CALD1: variants seen among roughly 807,000 people sequenced by gnomAD.
CALD1 encodes caldesmon.
A neutral mutation model predicts 99.9 loss-of-function variants in CALD1; 33 were observed. That is an observed-to-expected ratio of 0.33 (90% CI 0.25 to 0.44). The LOEUF (loss-of-function observed/expected upper bound fraction) is 0.44. CALD1 is among the 20% of genes least tolerant of loss of function. CALD1 has a pLI of 1.00. For missense variants in CALD1, 861 were observed against 962.1 expected (o/e 0.89, Z 1.39); for synonymous variants, 310 against 325.0 (o/e 0.95, Z 0.50).
At chr7:134,792,518 C>A (rs933253862) in intron 1 of CALD1, among the ~76,000 whole-genome samples, 1 of 152,128 alleles carries the variant, frequency 6.6e-6, no homozygotes, top group Non-Finnish European at 1.5e-5. Flanking sequence ...TCTCGAACTC[C>A]TGCTGTCAGG....
At chr7:134,825,854 A>G (rs902844289) in intron 1 of CALD1, among the ~76,000 whole-genome samples, 3 of 152,078 alleles carry the variant, frequency 2.0e-5, no homozygotes, top group African/African-American at 4.8e-5. Context: ...GACTGACCAG[A>G]GGAGCCCTGG....
At chr7:134,810,978 A>G (rs1019110157) in intron 1 of CALD1, among the ~76,000 whole-genome samples, 3 of 152,204 alleles carry the variant, frequency 2.0e-5, no homozygotes, top group African/African-American at 4.8e-5. Flanking sequence ...AAATTAATCC[A>G]TAATTCAAGG....
chr7:134,894,151 G>C (rs1372089695), intron 3 of CALD1, among the ~76,000 whole-genome samples: 1 of 152,116 alleles, frequency 6.6e-6, no homozygotes, highest in Non-Finnish European at 1.5e-5. Context: ...ACAAAATATG[G>C]GGGAGGCTTG....
chr7:134,917,351 A>G (rs1054795848), intron 3 of CALD1, among the ~76,000 whole-genome samples: 14 of 152,166 alleles, frequency 9.2e-5, no homozygotes, highest in African/African-American at 3.1e-4. Flanking sequence ...ATTTAAAAAA[A>G]ATTTTTATTT....
At chr7:134,827,972 C>T (rs1413540214) in intron 1 of CALD1, among the ~76,000 whole-genome samples, 1 of 152,158 alleles carries the variant, frequency 6.6e-6, no homozygotes, top group African/African-American at 2.4e-5. Context: ...TGTGACTGGG[C>T]AAAGGGGGCA....
chr7:134,808,650 T>G (rs1273367462), intron 1 of CALD1, among the ~76,000 whole-genome samples: 1 of 152,230 alleles, frequency 6.6e-6, no homozygotes, highest in Non-Finnish European at 1.5e-5. Flanking sequence ...GAATAAGTCT[T>G]TCTATCCAAT....
At chr7:134,912,980 C>T (rs112857501) in intron 3 of CALD1, among the ~76,000 whole-genome samples, 2,202 of 151,988 alleles carry the variant, frequency 0.014, 45 homozygotes, top group African/African-American at 0.051. Flanking sequence ...AAAAATTAAG[C>T]GGGGCTGAGC....
At chr7:134,936,097 T>C (rs1392795566) in intron 6 of CALD1, among the ~76,000 whole-genome samples, 1 of 152,218 alleles carries the variant, frequency 6.6e-6, no homozygotes, top group Non-Finnish European at 1.5e-5. Context: ...TTATCCTGTT[T>C]TCTATTCTTC....
At chr7:134,891,138 C>A (rs1802141624) in intron 3 of CALD1, among the ~76,000 whole-genome samples, 2 of 152,290 alleles carry the variant, frequency 1.3e-5, no homozygotes, top group South Asian at 4.1e-4. Flanking sequence ...CCATGATCAA[C>A]TATTTTCCAA....
chr7:134,766,254 C>CGA (rs999931936), intron 1 of CALD1, among the ~76,000 whole-genome samples: 150 of 147,632 alleles, frequency 1.0e-3, no homozygotes, highest in African/African-American at 3.6e-3. Context: ...TGGGTTCAAC[C>CGA]GATTCTCCTG....
chr7:134,745,814 A>G (rs1015061327), intron 1 of CALD1, among the ~76,000 whole-genome samples: 4 of 152,222 alleles, frequency 2.6e-5, no homozygotes, highest in African/African-American at 9.6e-5. Context: ...ATTGTTCTTT[A>G]TAATACAAGG....
intron 1 of CALD1, among the ~76,000 whole-genome samples, chr7:134,781,756 T>C (rs1462498346): frequency 6.6e-6 from 1 of 152,230 alleles, no homozygotes; most frequent in Non-Finnish European, 1.5e-5. Flanking sequence ...TCGAAGCAAA[T>C]AGAAGGTGTA....
At position 134,909,845 on chromosome 7, in the gene CALD1, C is replaced by A. The variant is rs574108029; in HGVS notation, c.72-18909C>A. Among the ~76,000 whole-genome samples the A allele has an allele frequency of 3.3e-5, 5 of 152,056 alleles. No individual in the cohort carries two copies. The South Asian group carries it at 1.0e-3, about 32-fold the overall frequency. On this transcript the variant is annotated intron_variant, in intron 3 of 14. Transcript: ENST00000361675. ...GAGAAGAAAGGAGTTGAGGAAGAAA[C>A]CCAATAAAAGGTACAAAAGAAACTA...
intron 3 of CALD1, among the ~76,000 whole-genome samples, chr7:134,887,127 G>A (rs1349818945): frequency 3.3e-5 from 5 of 152,122 alleles, no homozygotes; most frequent in African/African-American, 4.8e-5. Flanking sequence ...CCATGAAGAC[G>A]CTGGTGAAGA....
chr7:134,899,273 G>A (rs899713211), intron 3 of CALD1, among the ~76,000 whole-genome samples: 1 of 149,664 alleles, frequency 6.7e-6, no homozygotes, highest in African/African-American at 2.5e-5. Flanking sequence ...GCACGATCTC[G>A]GCTCACTACA....
chr7:134,749,394 C>T (rs997858263), intron 1 of CALD1, among the ~76,000 whole-genome samples: 1 of 152,004 alleles, frequency 6.6e-6, no homozygotes, highest in African/African-American at 2.4e-5. Context: ...CCGAGGTGGG[C>T]GGATCACTTG....
At chr7:134,726,508 A>AGAGGTTTTT in the CALD1 span, among the ~76,000 whole-genome samples, 217 of 138,910 alleles carry the variant, frequency 1.6e-3, 12 homozygotes, top group African/African-American at 6.1e-3. Flanking sequence ...TAGATATATA[A>AGAGGTTTTT]TATACAATAT....
chr7:134,866,047 C>T (rs1372972137), intron 2 of CALD1, among the ~76,000 whole-genome samples: 1 of 152,196 alleles, frequency 6.6e-6, no homozygotes, highest in Non-Finnish European at 1.5e-5. Context: ...AGAGTCTACC[C>T]TCCCACTGCA....
At chr7:134,899,673 T>C (rs1364165648) in intron 3 of CALD1, among the ~76,000 whole-genome samples, 1 of 151,858 alleles carries the variant, frequency 6.6e-6, no homozygotes, top group African/African-American at 2.4e-5. Context: ...AGACAGGGTC[T>C]TGCTCTGTCT....
Sources: gnomAD v4.1 joint callset for allele counts (sites outside exome capture counted in the v4.1 genomes callset) on GRCh38, gnomAD v4.1.1 for gene constraint, MANE v1.5 for transcripts, NCBI Gene and HGNC (gene_info 2026-07-23, HGNC 2026-07-21) for gene names.